SCFD1: variants seen among roughly 807,000 people sequenced by gnomAD.
SCFD1 encodes sec1 family domain containing 1, also known as sec1 family domain-containing protein 1.
In SCFD1, 37 loss-of-function variants were observed where a neutral mutation model predicts 103.2. The observed-to-expected ratio is 0.36, with a 90% confidence interval of 0.28 to 0.47. The LOEUF (loss-of-function observed/expected upper bound fraction) is 0.47. Ranked by LOEUF, SCFD1 falls within the 20% of genes least tolerant of loss-of-function variation. The pLI is 1.00. For synonymous variants in SCFD1, 264 were observed against 245.0 expected (o/e 1.08, Z -0.73); for missense variants, 639 against 761.2 (o/e 0.84, Z 1.89).
intron 15 of SCFD1, 103 bp from the exon 16 acceptor site, chr14:30,700,085 G>T: frequency 3.9e-6 from 3 of 763,212 alleles, no homozygotes; most frequent in Non-Finnish European, 6.5e-6. Flanking sequence ...GTTTTGTTTT[G>T]TCACATTTAT....
chr14:30,692,389 G>T lies in SCFD1; in HGVS notation c.1243-2384G>T, dbSNP rs757071881. ...ATGATGAGGTGTATAAAGTGCTGTTGATACACAGATAAGGGAGTAATGAGT... is the reference window on the plus strand; with the variant it reads ...ATGATGAGGTGTATAAAGTGCTGTTTATACACAGATAAGGGAGTAATGAGT... On this transcript the variant is annotated intron_variant, in intron 14 of 24. Coordinates refer to ENST00000458591, the MANE Select transcript of SCFD1 (RefSeq NM_016106.4). Among the ~76,000 whole-genome samples, 24 of 152,082 alleles carry T rather than the reference G, an allele frequency of 1.6e-4. 1 individual carries two copies. The highest frequency in any genetic ancestry group is 2.8e-4 in the Non-Finnish European group (19 of 67,998).
intron 3 of SCFD1, among the ~76,000 whole-genome samples, chr14:30,632,381 A>C (rs1884269528): frequency 6.6e-6 from 1 of 152,104 alleles, no homozygotes; most frequent in Admixed American, 6.5e-5. Flanking sequence ...TGAAATTAGG[A>C]TCTATCTTAT....
intron 2 of SCFD1, among the ~76,000 whole-genome samples, chr14:30,628,979 T>C (rs577437562): frequency 6.6e-6 from 1 of 152,322 alleles, no homozygotes; most frequent in Admixed American, 6.5e-5. Flanking sequence ...CTAAAAGTAG[T>C]TAAAGTTGTC....
At chr14:30,633,259 G>A (rs1432550588) in intron 3 of SCFD1, among the ~76,000 whole-genome samples, 1 of 152,148 alleles carries the variant, frequency 6.6e-6, no homozygotes, top group Non-Finnish European at 1.5e-5. Flanking sequence ...ATAGAAGGAT[G>A]ACTAGAGAGA....
At chr14:30,664,499 A>G (rs1162800485) in intron 10 of SCFD1, among the ~76,000 whole-genome samples, 1 of 152,186 alleles carries the variant, frequency 6.6e-6, no homozygotes, top group Non-Finnish European at 1.5e-5. Flanking sequence ...TCTTCTCCAA[A>G]GGATTGCAGC....
intron 23 of SCFD1, among the ~76,000 whole-genome samples, chr14:30,734,247 C>CTAATAGAGAAG (rs1893680110): frequency 6.6e-6 from 1 of 152,148 alleles, no homozygotes; most frequent in Admixed American, 6.5e-5. Context: ...TAGCAAATCG[C>CTAATAGAGAAG]TAATAGAGAA....
In SCFD1 at chr14:30,633,972, A is replaced by G. The variant is rs571364361; in HGVS notation, c.247A>G (p.Ile83Val). ...HLLLHSDRDP[I>V]PDVPAVYFVM... ...GCTTTTACACTCTGATCGAGATCCTATTCCAGATGTTCCTGCAGTATACTT... is the reference window on the plus strand; with the variant it reads ...GCTTTTACACTCTGATCGAGATCCTGTTCCAGATGTTCCTGCAGTATACTT... Residue 83 changes from isoleucine to valine, a missense_variant, in exon 4 of 25, where the codon ATT becomes GTT. By Grantham distance (29) the Ile-to-Val change is conservative. Coordinates refer to ENST00000458591, the MANE Select transcript of SCFD1 (RefSeq NM_016106.4). The G allele has an allele frequency of 6.2e-7, 1 of 1,603,954 alleles. No individual in the cohort carries two copies. Among genetic ancestry groups the G allele is most frequent in the Non-Finnish European group, 8.5e-7 (1 of 1,173,222 alleles).
chr14:30,678,277 T>G (rs1056968576), intron 14 of SCFD1, among the ~76,000 whole-genome samples: 3 of 152,216 alleles, frequency 2.0e-5, no homozygotes, highest in Non-Finnish European at 4.4e-5. Flanking sequence ...AGTCGTTTTC[T>G]AAAGAAGAAA....
chr14:30,641,943 C>G (rs1319210356), intron 6 of SCFD1, among the ~76,000 whole-genome samples: 1 of 152,162 alleles, frequency 6.6e-6, no homozygotes, highest in Non-Finnish European at 1.5e-5. Context: ...TGTACTTCAT[C>G]AGACACTGGG....
intron 20 of SCFD1, among the ~76,000 whole-genome samples, chr14:30,716,320 A>G (rs888121490): frequency 6.6e-6 from 1 of 152,246 alleles, no homozygotes; most frequent in African/African-American, 2.4e-5. Context: ...AAAGAGTACC[A>G]AACCAATTTA....
At position 30,630,583 on chromosome 14, in the gene SCFD1, T is replaced by G. The variant is rs781694170; in HGVS notation, c.221+18T>G. ...CTGCATCTGTGAGTTTTTACATATT[T>G]CTAATAGTGGTATTCATTTAAAGAA... On this transcript the variant is annotated intron_variant, in intron 3 of 24. Coordinates refer to ENST00000458591, the MANE Select transcript of SCFD1 (RefSeq NM_016106.4). 1.1e-5 allele frequency: 15 copies of G among 1,345,876 alleles called. No individual in the cohort carries two copies. In the East Asian group the frequency reaches 3.0e-4, roughly 27 times the overall value. 83.4% of individuals were successfully genotyped at this position (1,345,876 alleles called of 1,614,324 possible).
chr14:30,628,344 G>C (rs1282763379), intron 2 of SCFD1, 65 bp downstream of exon 2: 1 of 1,032,752 alleles, frequency 9.7e-7, no homozygotes, highest in Admixed American at 2.1e-5. Flanking sequence ...GGTAATTGGA[G>C]GGAATTTATT....
chr14:30,661,267 C>T (rs992097675), intron 10 of SCFD1, among the ~76,000 whole-genome samples: 3 of 152,058 alleles, frequency 2.0e-5, no homozygotes, highest in Non-Finnish European at 2.9e-5. Context: ...ACTCGAGTTT[C>T]GTTTGAGAGA....
At chr14:30,695,609 C>T (rs908628842) in intron 15 of SCFD1, among the ~76,000 whole-genome samples, 1 of 152,114 alleles carries the variant, frequency 6.6e-6, no homozygotes, top group Non-Finnish European at 1.5e-5. Flanking sequence ...TGGTTCATAC[C>T]TGTAATCCCA....
At chr14:30,625,377 C>G (rs745683614) in intron 1 of SCFD1, among the ~76,000 whole-genome samples, 43 of 152,130 alleles carry the variant, frequency 2.8e-4, no homozygotes, top group African/African-American at 9.2e-4. Flanking sequence ...ATTTCAAAAT[C>G]CGAGCACCAG....
At chr14:30,625,599 TTATAGGTATAGGTATA>T (rs1883312562) in intron 1 of SCFD1, among the ~76,000 whole-genome samples, 2 of 74,424 alleles carry the variant, frequency 2.7e-5, no homozygotes, top group Admixed American at 1.4e-4. Context: ...ATCCTTTTTG[TTATAGGTATAGGTATA>T]CCTATATAGG....
chr14:30,641,180 CAA>C (rs1280067841), intron 6 of SCFD1, among the ~76,000 whole-genome samples: 1 of 152,110 alleles, frequency 6.6e-6, no homozygotes, highest in Non-Finnish European at 1.5e-5. Context: ...CTAATTGTCT[CAA>C]ATGGTACAAT....
At chr14:30,722,392 G>T in intron 22 of SCFD1, 102 bp from the exon 23 acceptor site, 1 of 744,608 alleles carries the variant, frequency 1.3e-6, no homozygotes. Flanking sequence ...AGCATCAGGG[G>T]CTTAGAATAT....
rs1027478850 is a variant in SCFD1, at chr14:30,683,063, GA to G, written c.1242+7999del. On this transcript the variant is annotated intron_variant, in intron 14 of 24. Transcript: ENST00000458591. ...GCCTGGGTCAGGGCTCCTGACTGGT[GA>G]CCTGTTTTGAGTAGGTTTCTTGCAG... 7.1e-5 allele frequency: 97 copies of G among 1,375,434 alleles called. No individual in the cohort carries two copies. In the African/African-American group the frequency reaches 1.3e-3, roughly 19 times the overall value. 85.2% of individuals were successfully genotyped at this position (1,375,434 alleles called of 1,614,324 possible).
Sources: allele counts gnomAD v4.1 joint callset (sites outside exome capture counted in the v4.1 genomes callset), GRCh38; gene constraint gnomAD v4.1.1; transcripts MANE v1.5; gene names NCBI Gene and HGNC (gene_info 2026-07-23, HGNC 2026-07-21).